Variants in MOSMO observed in about 807,000 individuals in gnomAD.
MOSMO encodes the protein modulator of smoothened.
In MOSMO, 5 loss-of-function variants were observed where a neutral mutation model predicts 18.4. That is an observed-to-expected ratio of 0.27 (90% CI 0.14 to 0.57). The LOEUF (loss-of-function observed/expected upper bound fraction) is 0.57. MOSMO is among the 20% of genes least tolerant of loss of function. The probability of loss-of-function intolerance (pLI) is 0.92; values close to 1 mark genes in which losing one functional copy is unlikely to be tolerated. For synonymous variants in MOSMO, 82 were observed against 82.3 expected, an observed-to-expected ratio of 1.00 and a Z score of 0.02; for missense variants, 138 against 211.8, an observed-to-expected ratio of 0.65 and a Z score of 2.16.
intron 1 of MOSMO, among the ~76,000 whole-genome samples, chr16:22,032,917 C>T (rs1339031407): frequency 6.6e-6 from 1 of 152,100 alleles, no homozygotes; most frequent in Non-Finnish European, 1.5e-5. Context: ...ATCCAATTGT[C>T]CCACTGCTAC....
chr16:22,068,357 A>C (rs1900786891), intron 1 of MOSMO, among the ~76,000 whole-genome samples: 2 of 152,240 alleles, frequency 1.3e-5, no homozygotes, highest in South Asian at 4.1e-4. Context: ...TCACCATTTT[A>C]AAGTGTACAA....
chr16:22,071,772 A>C (rs1333124356), intron 1 of MOSMO, among the ~76,000 whole-genome samples: 1 of 152,098 alleles, frequency 6.6e-6, no homozygotes, highest in African/African-American at 2.4e-5. Context: ...GTACAGATGG[A>C]TTGGCTGTTT....
Position 22,062,954 on chromosome 16 carries a change from G to C in MOSMO, c.107-12533G>C, listed in dbSNP as rs1029556813. ...TGCAACCTCTGCCTCCCAGGTTCAA[G>C]CGATTCTTCTGCCTCAGCCTTCTGA... On this transcript the variant is annotated intron_variant, in intron 1 of 2. Coordinates refer to ENST00000542527, the MANE Select transcript of MOSMO (RefSeq NM_001164579.2). Among the ~76,000 whole-genome samples, 57 of 152,164 alleles carry C rather than the reference G, an allele frequency of 3.7e-4. 1 individual carries two copies. Among genetic ancestry groups the C allele is most frequent in the Non-Finnish European group, 4.4e-5 (3 of 68,038 alleles).
chr16:22,056,552 A>AT (rs1281495411), intron 1 of MOSMO, among the ~76,000 whole-genome samples: 11 of 148,582 alleles, frequency 7.4e-5, no homozygotes, highest in African/African-American at 2.8e-4. Flanking sequence ...ATATATATAT[A>AT]TATTTTTTTT....
At chr16:22,078,301 A>G (rs952603459) in intron 2 of MOSMO, among the ~76,000 whole-genome samples, 1 of 152,204 alleles carries the variant, frequency 6.6e-6, no homozygotes, top group Non-Finnish European at 1.5e-5. Flanking sequence ...TAATATTTTA[A>G]GATCTAAAGT....
At chr16:22,009,013 G>A (rs998736420) in intron 1 of MOSMO, among the ~76,000 whole-genome samples, 2 of 152,166 alleles carry the variant, frequency 1.3e-5, no homozygotes, top group African/African-American at 4.8e-5. Context: ...TGGGTGCTGG[G>A]AGAGCTGGTG....
chr16:22,049,746 T>G (rs961512078), intron 1 of MOSMO, among the ~76,000 whole-genome samples: 2 of 152,216 alleles, frequency 1.3e-5, no homozygotes, highest in Non-Finnish European at 2.9e-5. Context: ...TGATTTTAAT[T>G]TTTATATTAA....
intron 1 of MOSMO, among the ~76,000 whole-genome samples, chr16:22,022,724 A>G (rs925959475): frequency 6.6e-6 from 1 of 152,150 alleles, no homozygotes; most frequent in African/African-American, 2.4e-5. Context: ...TGGTAGTATT[A>G]GGCAGAGGGG....
Position 22,081,523 on chromosome 16 carries a change from A to G in MOSMO, c.*643A>G, listed in dbSNP as rs1901081703. On this transcript the variant is annotated 3_prime_UTR_variant, in exon 3 of 3. Transcript: ENST00000542527. ...AAAAAAAAAAATCAAACACTAAGAC[A>G]CATGTTTTGGGTGGGTGGGTGGGGG... The G allele has an allele frequency of 5.3e-5, 1 of 18,908 alleles. No homozygotes were observed. The allele number at this position is 18,908 out of a possible 1,614,324, so 1.2% of individuals were successfully genotyped here. A position where few individuals can be genotyped will look rare whatever the true frequency, so the allele number is the denominator to read the frequency against.
At chr16:22,055,215 C>T (rs1431944288) in intron 1 of MOSMO, among the ~76,000 whole-genome samples, 6 of 152,086 alleles carry the variant, frequency 3.9e-5, no homozygotes, top group East Asian at 1.9e-4. Flanking sequence ...GCATGGCATC[C>T]GCCTGGTCAC....
intron 1 of MOSMO, among the ~76,000 whole-genome samples, chr16:22,021,898 C>T (rs939258284): frequency 7.2e-5 from 11 of 152,022 alleles, no homozygotes; most frequent in South Asian, 2.1e-4. Flanking sequence ...TTCTTGGCCT[C>T]GGAGCTATAG....
downstream of MOSMO, among the ~76,000 whole-genome samples, chr16:22,088,547 G>A (rs906943728): frequency 2.5e-4 from 38 of 152,138 alleles, no homozygotes; most frequent in Admixed American, 1.8e-3. Flanking sequence ...TAACTGAAGC[G>A]TATCAACTAT....
At chr16:22,062,114 T>A (rs1388907298) in intron 1 of MOSMO, among the ~76,000 whole-genome samples, 1 of 152,156 alleles carries the variant, frequency 6.6e-6, no homozygotes, top group African/African-American at 2.4e-5. Flanking sequence ...GGCTCTAAAC[T>A]TTTACAGTTC....
chr16:22,086,200 A>G (rs1901171739), downstream of MOSMO: 1 of 152,224 alleles, frequency 6.6e-6, no homozygotes, highest in Non-Finnish European at 1.5e-5. Context: ...AGATACTCAT[A>G]ACACAAAAGA....
chr16:22,057,976 G>C (rs564848587), intron 1 of MOSMO, among the ~76,000 whole-genome samples: 9 of 152,162 alleles, frequency 5.9e-5, no homozygotes, highest in Non-Finnish European at 1.2e-4. Flanking sequence ...AGAGCCAAGT[G>C]GGGGGAGTGA....
intron 1 of MOSMO, among the ~76,000 whole-genome samples, chr16:22,021,572 A>C (rs1336974541): frequency 1.3e-5 from 2 of 152,144 alleles, no homozygotes; most frequent in African/African-American, 4.8e-5. Context: ...CGAGATGGGC[A>C]GATCGCTTGA....
At chr16:22,021,417 C>T (rs1395059607) in intron 1 of MOSMO, among the ~76,000 whole-genome samples, 1 of 152,066 alleles carries the variant, frequency 6.6e-6, no homozygotes, top group African/African-American at 2.4e-5. Context: ...GTTCCTGTCC[C>T]CCTTCATCTT....
intron 1 of MOSMO, among the ~76,000 whole-genome samples, chr16:22,044,802 T>C (rs1412207523): frequency 6.6e-6 from 1 of 152,198 alleles, no homozygotes; most frequent in African/African-American, 2.4e-5. Context: ...TATTCTATGC[T>C]ACCTTTCATG....
intron 1 of MOSMO, among the ~76,000 whole-genome samples, chr16:22,072,942 T>C (rs1900887930): frequency 6.6e-6 from 1 of 152,132 alleles, no homozygotes; most frequent in African/African-American, 2.4e-5. Flanking sequence ...ATTTGATAAA[T>C]ACAGGACTAT....
Sources: allele counts gnomAD v4.1 joint callset (sites outside exome capture counted in the v4.1 genomes callset), GRCh38; gene constraint gnomAD v4.1.1; transcripts MANE v1.5; gene names NCBI Gene and HGNC (gene_info 2026-07-23, HGNC 2026-07-21).